PTPRG: variants seen among roughly 807,000 people sequenced by gnomAD.
The protein encoded by PTPRG is receptor-type tyrosine-protein phosphatase gamma.
Under a neutral mutation model 165.3 loss-of-function variants are expected in PTPRG, and 102 were observed. That is an observed-to-expected ratio of 0.62 (90% CI 0.53 to 0.73). The LOEUF (loss-of-function observed/expected upper bound fraction) is 0.73. PTPRG is among the 30% of genes least tolerant of loss of function. The pLI is 0.00. For synonymous variants in PTPRG, 675 were observed against 669.5 expected (o/e 1.01, Z -0.13); for missense variants, 1,866 against 1,861.4 (o/e 1.00, Z -0.05).
intron 12 of PTPRG, among the ~76,000 whole-genome samples, chr3:62,215,546 A>AACCCCC (rs1700475367): frequency 3.1e-5 from 2 of 63,758 alleles, no homozygotes; most frequent in Non-Finnish European, 5.9e-5. Context: ...CCCTACGGGA[A>AACCCCC]CCCCCCCCCC....
chr3:62,160,159 C>T (rs528370570), intron 7 of PTPRG, among the ~76,000 whole-genome samples: 1 of 152,324 alleles, frequency 6.6e-6, no homozygotes, highest in African/African-American at 2.4e-5. Context: ...GGTGCCTGCA[C>T]TCAATGAAAA....
chr3:61,833,308 A>G (rs1396832614), intron 2 of PTPRG, among the ~76,000 whole-genome samples: 4 of 152,302 alleles, frequency 2.6e-5, no homozygotes, highest in South Asian at 4.1e-4. Context: ...CATCTGTCAA[A>G]ATCCAGTGTG....
At position 62,293,534 on chromosome 3, in the gene PTPRG, A is replaced by G. The variant is rs910387779; in HGVS notation, c.*227A>G. On this transcript the variant is annotated 3_prime_UTR_variant, in exon 30 of 30. Transcript: ENST00000474889. ...AACGCAATTTTACCTAGTTTGCACTATATGATCAGTGTTACTGCCTATAAT... is the reference window on the plus strand; with the variant it reads ...AACGCAATTTTACCTAGTTTGCACTGTATGATCAGTGTTACTGCCTATAAT... The G allele has an allele frequency of 5.2e-6, 2 of 383,354 alleles. No homozygotes were observed. The highest frequency in any genetic ancestry group is 2.1e-5 in the African/African-American group (1 of 48,310). 23.7% of individuals were successfully genotyped at this position (383,354 alleles called of 1,614,324 possible). A position where few individuals can be genotyped will look rare whatever the true frequency, so the allele number is the denominator to read the frequency against.
At chr3:62,253,219 T>C (rs1701461615) in intron 15 of PTPRG, among the ~76,000 whole-genome samples, 1 of 152,226 alleles carries the variant, frequency 6.6e-6, no homozygotes. Flanking sequence ...GACATGTTTT[T>C]TCTTATTTTG....
intron 16 of PTPRG, among the ~76,000 whole-genome samples, chr3:62,259,562 G>C (rs992743107): frequency 1.3e-5 from 2 of 152,212 alleles, no homozygotes; most frequent in Non-Finnish European, 2.9e-5. Context: ...AAAAATGCCA[G>C]TTTGGGTCTT....
intron 1 of PTPRG, among the ~76,000 whole-genome samples, chr3:61,621,831 T>G (rs1701465648): frequency 6.6e-6 from 1 of 152,224 alleles, no homozygotes; most frequent in African/African-American, 2.4e-5. Context: ...TTCTCTGTTT[T>G]CTTATTTGTG....
chr3:61,864,460 T>G (rs623808), intron 2 of PTPRG, among the ~76,000 whole-genome samples: 24,821 of 152,010 alleles, frequency 0.16, 2,013 homozygotes, highest in Middle Eastern at 0.2. Flanking sequence ...TCTCTCCAAC[T>G]GCAAGCAAAG....
At chr3:62,003,577 C>A in intron 4 of PTPRG, 80 bp downstream of exon 4, 1 of 1,553,938 alleles carries the variant, frequency 6.4e-7, no homozygotes, top group South Asian at 1.2e-5. Flanking sequence ...TACCCTCAGT[C>A]ATTTTGCAAA....
intron 4 of PTPRG, among the ~76,000 whole-genome samples, chr3:62,069,684 T>TCTCTCACTCACACA (rs542306888): frequency 1.4e-5 from 2 of 144,962 alleles, no homozygotes; most frequent in African/African-American, 5.3e-5. Flanking sequence ...TCTCTCTCTC[T>TCTCTCACTCACACA]CACACACAGA....
At chr3:61,726,190 C>A (rs1002566305) in intron 1 of PTPRG, among the ~76,000 whole-genome samples, 2 of 152,188 alleles carry the variant, frequency 1.3e-5, no homozygotes, top group African/African-American at 4.8e-5. Context: ...TATCTTCAGA[C>A]TTCAGTCAAG....
At chr3:61,918,884 A>C (rs1304113276) in intron 2 of PTPRG, among the ~76,000 whole-genome samples, 1 of 152,122 alleles carries the variant, frequency 6.6e-6, no homozygotes, top group Non-Finnish European at 1.5e-5. Flanking sequence ...TCAAAAGGCT[A>C]CCTCATTTCC....
intron 5 of PTPRG, among the ~76,000 whole-genome samples, chr3:62,086,491 C>T (rs940512939): frequency 6.6e-6 from 1 of 152,146 alleles, no homozygotes; most frequent in African/African-American, 2.4e-5. Flanking sequence ...GAACTTCCTT[C>T]TTAGACTGCT....
chr3:61,684,463 T>C (rs4688268), intron 1 of PTPRG, among the ~76,000 whole-genome samples: 75,847 of 152,068 alleles, frequency 0.5, 21,323 homozygotes, highest in East Asian at 0.81. Flanking sequence ...GGGTTTTCTC[T>C]GAGCCAGTAT....
intron 2 of PTPRG, among the ~76,000 whole-genome samples, chr3:61,984,165 A>G (rs914811876): frequency 6.6e-6 from 1 of 152,212 alleles, no homozygotes; most frequent in African/African-American, 2.4e-5. Context: ...GAATTGTAAC[A>G]TCTCAAAATG....
chr3:61,858,970 G>A (rs1192237182), intron 2 of PTPRG, among the ~76,000 whole-genome samples: 1 of 152,136 alleles, frequency 6.6e-6, no homozygotes, highest in Non-Finnish European at 1.5e-5. Flanking sequence ...AATGTTTTAA[G>A]TATGCAGAGC....
chr3:62,164,426 G>A (rs1704888350), intron 7 of PTPRG, among the ~76,000 whole-genome samples: 1 of 152,132 alleles, frequency 6.6e-6, no homozygotes, highest in Non-Finnish European at 1.5e-5. Context: ...CAGGCCACTG[G>A]CGATTTTCAT....
chr3:61,978,765 A>C (rs528409865), intron 2 of PTPRG, among the ~76,000 whole-genome samples: 2 of 152,174 alleles, frequency 1.3e-5, no homozygotes, highest in Non-Finnish European at 1.5e-5. Context: ...AAACTACTCA[A>C]ATCTGATCTT....
chr3:61,716,434 T>G lies in PTPRG; in HGVS notation c.86-32444T>G, dbSNP rs201021343. On this transcript the variant is annotated intron_variant, in intron 1 of 29. Coordinates refer to ENST00000474889, the MANE Select transcript of PTPRG (RefSeq NM_002841.4). ...CTACCCTGTGGGATAACAATCTGTT[T>G]TGGAAGCATTTTGGATTATTAATAT... Among the ~76,000 whole-genome samples the G allele has an allele frequency of 9.2e-5, 14 of 152,322 alleles. No individual in the cohort carries two copies. In the East Asian group the frequency reaches 2.7e-3, roughly 29 times the overall value.
intron 1 of PTPRG, among the ~76,000 whole-genome samples, chr3:61,577,770 T>A (rs1700200276): frequency 6.6e-6 from 1 of 152,212 alleles, no homozygotes; most frequent in Non-Finnish European, 1.5e-5. Flanking sequence ...TGTAATCCCC[T>A]GTGTGACATT....
Sources: allele counts gnomAD v4.1 joint callset (sites outside exome capture counted in the v4.1 genomes callset), GRCh38; gene constraint gnomAD v4.1.1; transcripts MANE v1.5; gene names NCBI Gene and HGNC (gene_info 2026-07-23, HGNC 2026-07-21).